Variants in UGT2B11 observed in about 807,000 individuals in gnomAD.
UGT2B11 encodes UDP-glucuronosyltransferase 2B11.
Under a neutral mutation model 51.7 loss-of-function variants are expected in UGT2B11, and 49 were observed. That is an observed-to-expected ratio of 0.95 (90% CI 0.75 to 1.20). UGT2B11 has a LOEUF of 1.20. Among genes scored for constraint, UGT2B11 ranks in the 50% most tolerant of loss-of-function variants. The pLI is 0.00. For synonymous variants in UGT2B11, 273 were observed against 209.0 expected (o/e 1.31, Z -2.64); for missense variants, 810 against 622.1 (o/e 1.30, Z -3.21).
chr4:69,214,755 C>T (rs1312030527), upstream of UGT2B11: 13 of 1,597,782 alleles, frequency 8.1e-6, no homozygotes, highest in Non-Finnish European at 1.1e-5. Flanking sequence ...TTTCCAGTCA[C>T]TGTTTCTTTC....
upstream of UGT2B11, among the ~76,000 whole-genome samples, chr4:69,217,749 C>T (rs188123249): frequency 2.6e-5 from 4 of 152,190 alleles, no homozygotes; most frequent in African/African-American, 7.2e-5. Flanking sequence ...CTGCATGTCT[C>T]AGCATGCTCA....
In UGT2B11 at chr4:69,212,684, A is replaced by G. The variant is rs755538004; in HGVS notation, c.759T>C (p.Ala253=). ...PTTLFETMGK[A]DIWLMRNSWS... ...AGGAGTTTCGCATAAGCCATATGTC[A>G]GCTTTTCCCATTGTCTCAAATAAGG... The change falls in exon 2 of 6, where the codon GCT becomes GCC. Residue 253 remains alanine (A), a synonymous_variant. Coordinates refer to ENST00000446444, the MANE Select transcript of UGT2B11 (RefSeq NM_001073.3). The G allele has an allele frequency of 6.2e-7, 1 of 1,609,614 alleles. No individual in the cohort carries two copies. The highest frequency in any genetic ancestry group is 1.1e-5 in the South Asian group (1 of 90,390).
At chr4:69,223,882 C>G in the UGT2B11 span, among the ~76,000 whole-genome samples, 1 of 152,164 alleles carries the variant, frequency 6.6e-6, no homozygotes, top group South Asian at 2.1e-4. Flanking sequence ...GCTCTAAGAG[C>G]TGTACCCATG....
At position 69,203,500 on chromosome 4, in the gene UGT2B11, T is replaced by C. The variant is rs182429881; in HGVS notation, c.1310+930A>G. ...TGAGGCAGCAATTCCACTTATAGTA[T>C]CAACTCAAAAGAAAGTAAAACATAT... On this transcript the variant is annotated intron_variant, in intron 5 of 5. Transcript: ENST00000446444. 3.3e-3 allele frequency among the ~76,000 whole-genome samples: 497 copies of C among 151,784 alleles called. 3 individuals carry two copies. Among genetic ancestry groups the C allele is most frequent in the Non-Finnish European group, 4.5e-3 (302 of 67,782 alleles).
chr4:69,206,704 A>G (rs1721871354), intron 3 of UGT2B11, among the ~76,000 whole-genome samples: 1 of 151,668 alleles, frequency 6.6e-6, no homozygotes, highest in South Asian at 2.1e-4. Flanking sequence ...ATATGGAGTG[A>G]TTGTAATTCT....
chr4:69,206,563 C>G (rs191291743), intron 3 of UGT2B11, among the ~76,000 whole-genome samples: 259 of 151,514 alleles, frequency 1.7e-3, no homozygotes, highest in Middle Eastern at 6.9e-3. Flanking sequence ...ATCAGTACAA[C>G]AAACCCCCAT....
At chr4:69,219,369 A>G (rs376115025), upstream of UGT2B11, among the ~76,000 whole-genome samples, 75 of 152,246 alleles carry the variant, frequency 4.9e-4, 1 homozygote, top group South Asian at 0.012. Context: ...CATAGTTTAC[A>G]ATTATATTCG....
intron 3 of UGT2B11, among the ~76,000 whole-genome samples, chr4:69,206,731 T>C (rs528136026): frequency 3.7e-4 from 56 of 151,770 alleles, no homozygotes; most frequent in African/African-American, 1.2e-3. Context: ...ATAAAACAGT[T>C]ACTATTTAGT....
intron 2 of UGT2B11, 134 bp from the exon 3 acceptor site, chr4:69,208,616 T>G: frequency 2.0e-6 from 3 of 1,469,670 alleles, no homozygotes; most frequent in East Asian, 4.7e-5. Context: ...ATTTTTTAAC[T>G]GAATCATTCA....
At chr4:69,205,662 T>G in intron 3 of UGT2B11, 95 bp from the exon 4 acceptor site, 33 of 1,335,766 alleles carry the variant, frequency 2.5e-5, no homozygotes, top group Non-Finnish European at 3.3e-5. Context: ...GATCAAGGGA[T>G]GTTAGTAAAT....
chr4:69,221,481 T>C, the UGT2B11 span, among the ~76,000 whole-genome samples: 6 of 152,236 alleles, frequency 3.9e-5, no homozygotes, highest in Non-Finnish European at 8.8e-5. Flanking sequence ...GACCTCGAAG[T>C]TGATTTCTTC....
the UGT2B11 span, among the ~76,000 whole-genome samples, chr4:69,220,920 G>A: frequency 1.3e-5 from 2 of 152,244 alleles, no homozygotes; most frequent in African/African-American, 4.8e-5. Context: ...AGAGTCGGTA[G>A]CTAATTCCAT....
chr4:69,214,327 T>C lies in UGT2B11; in HGVS notation c.396A>G (p.Ser132=). ...IFRNFCKDVV[S]NKKVMKKLQE... is the part of the protein sequence containing the mutation. Reference sequence around the variant, plus strand: ...GTAGTTTTTTCATAACTTTCTTATTTGAAACTACATCTTTACAGAAGTTTC... The same window carrying C: ...GTAGTTTTTTCATAACTTTCTTATTCGAAACTACATCTTTACAGAAGTTTC... Residue 132 remains serine, a synonymous_variant, in exon 1 of 6, where the codon TCA becomes TCG. Transcript: ENST00000446444. 1 of 1,613,152 alleles carries C rather than the reference T, an allele frequency of 6.2e-7. No individual in the cohort carries two copies. Among genetic ancestry groups the C allele is most frequent in the Non-Finnish European group, 8.5e-7 (1 of 1,179,474 alleles).
At chr4:69,204,405 T>C (rs762387857) in intron 5 of UGT2B11, 25 bp downstream of exon 5, 1 of 1,609,760 alleles carries the variant, frequency 6.2e-7, no homozygotes, top group Non-Finnish European at 8.5e-7. Flanking sequence ...AAATACCACC[T>C]AGTGAAAAAC....
chr4:69,220,901 G>A, the UGT2B11 span, among the ~76,000 whole-genome samples: 2 of 152,046 alleles, frequency 1.3e-5, no homozygotes, highest in Non-Finnish European at 2.9e-5. Context: ...GGCTTTGTAG[G>A]GTCACTAGAG....
rs537193545 is a variant in UGT2B11 at position 69,208,771 on chromosome 4, T to G, written c.871-289A>C. 9.3e-3 allele frequency among the ~76,000 whole-genome samples: 1,411 copies of G among 151,262 alleles called. 16 individuals carry two copies. The highest frequency in any genetic ancestry group is 0.012 in the Non-Finnish European group (842 of 67,586). Reference sequence around the variant, plus strand: ...TACATTGTAGTCAGGGAGATAATGTTAAAAAATATACCCAGACCCTTCACT... The same window carrying G: ...TACATTGTAGTCAGGGAGATAATGTGAAAAAATATACCCAGACCCTTCACT... On this transcript the variant is annotated intron_variant, in intron 2 of 5. Transcript: ENST00000446444.
chr4:69,208,372 G>A lies in UGT2B11; in HGVS notation c.981C>T (p.Ala327=), dbSNP rs1721935547. ...TTACCTTTTGTGGGATCTTGGCAAG[G>A]GCTGTTGCAATTACATTGGCCCTTT... is the stretch of plus-strand genomic sequence containing the variant. ...TAERANVIAT[A]LAKIPQKVLW... Residue 327 remains alanine, a synonymous_variant, in exon 3 of 6, where the codon GCC becomes GCT. Transcript: ENST00000446444. 6.2e-7 allele frequency: 1 copy of A among 1,610,830 alleles called. No individual in the cohort carries two copies. Among genetic ancestry groups the A allele is most frequent in the South Asian group, 1.1e-5 (1 of 90,982 alleles).
rs1721772120 is a variant in UGT2B11, at chr4:69,204,443, T to C, written c.1297A>G (p.Ile433Val). ...TDLLNALKTVINDPLYKENIM... is the reference protein window; with the variant it reads ...TDLLNALKTVVNDPLYKENIM... ...TGTTCTACTCACAAAGGATCATTAA[T>C]TACTGTCTTCAGTGCATTCAGCAGG... is the stretch of plus-strand genomic sequence containing the variant. Residue 433 changes from isoleucine (I) to valine (V), a missense_variant, in exon 5 of 6, where the codon ATT (isoleucine) becomes GTT (valine). Physicochemically the swap from Ile to Val is conservative, Grantham distance 29. Coordinates refer to ENST00000446444, the MANE Select transcript of UGT2B11 (RefSeq NM_001073.3). The C allele has an allele frequency of 1.2e-6, 2 of 1,611,676 alleles. No homozygotes were observed. Among genetic ancestry groups the C allele is most frequent in the Admixed American group, 1.7e-5 (1 of 59,828 alleles).
intron 5 of UGT2B11, among the ~76,000 whole-genome samples, chr4:69,200,985 T>C (rs949000791): frequency 1.3e-5 from 2 of 151,090 alleles, no homozygotes; most frequent in African/African-American, 4.9e-5. Flanking sequence ...TAAGGCATTT[T>C]AACTGGCTTT....
Sources: gnomAD v4.1 joint callset for allele counts (sites outside exome capture counted in the v4.1 genomes callset) on GRCh38, gnomAD v4.1.1 for gene constraint, MANE v1.5 for transcripts, NCBI Gene and HGNC (gene_info 2026-07-23, HGNC 2026-07-21) for gene names.